The following DENND4C variants were observed in gnomAD, a reference collection of about 807,000 sequenced individuals.
DENND4C encodes the protein DENN domain containing 4C, also known as DENN domain-containing protein 4C.
In DENND4C, 108 loss-of-function variants were observed where a neutral mutation model predicts 203.0. The observed-to-expected ratio is 0.53, with a 90% CI of 0.46 to 0.62. The LOEUF (loss-of-function observed/expected upper bound fraction) is 0.62, where lower values mean the gene tolerates loss of function less well. Among genes scored for constraint, DENND4C ranks in the 20% least tolerant of loss-of-function variants. The pLI is 0.00. For missense variants in DENND4C, 2,481 were observed against 2,301.2 expected, an observed-to-expected ratio of 1.08 and a Z score of -1.60; for synonymous variants, 871 against 792.4, an observed-to-expected ratio of 1.10 and a Z score of -1.67.
At chr9:19,320,399 A>G (rs988483371) in intron 12 of DENND4C, among the ~76,000 whole-genome samples, 1 of 152,076 alleles carries the variant, frequency 6.6e-6, no homozygotes, top group South Asian at 2.1e-4. Flanking sequence ...AGGTTTAGCC[A>G]TGTTGGCCAG....
At chr9:19,286,239 A>T (rs138331325) in intron 2 of DENND4C, among the ~76,000 whole-genome samples, 39 of 152,114 alleles carry the variant, frequency 2.6e-4, no homozygotes, top group African/African-American at 8.7e-4. Context: ...GATTAATTCA[A>T]TTTTCATTAA....
intron 5 of DENND4C, among the ~76,000 whole-genome samples, chr9:19,291,598 G>A (rs771165028): frequency 2.0e-5 from 3 of 151,736 alleles, no homozygotes; most frequent in Non-Finnish European, 2.9e-5. Flanking sequence ...CTGGCTACTC[G>A]GGAGGGTGAG....
intron 27 of DENND4C, 95 bp from the exon 28 acceptor site, chr9:19,357,870 T>C (rs1001813814): frequency 1.2e-5 from 12 of 973,784 alleles, no homozygotes; most frequent in Non-Finnish European, 1.8e-5. Flanking sequence ...ATATATTTAG[T>C]AGACTCAAGG....
intron 1 of DENND4C, among the ~76,000 whole-genome samples, chr9:19,257,773 A>G (rs1209658919): frequency 6.6e-6 from 1 of 152,224 alleles, no homozygotes; most frequent in Non-Finnish European, 1.5e-5. Flanking sequence ...TATGCCAATA[A>G]ATTTGACAAC....
intron 1 of DENND4C, among the ~76,000 whole-genome samples, chr9:19,259,034 T>G (rs1484945792): frequency 6.6e-6 from 1 of 152,190 alleles, no homozygotes; most frequent in Non-Finnish European, 1.5e-5. Context: ...AGGCATACAG[T>G]GTGTGTTCAC....
intron 1 of DENND4C, among the ~76,000 whole-genome samples, chr9:19,255,380 G>A (rs1287825476): frequency 1.4e-5 from 2 of 138,046 alleles, no homozygotes; most frequent in Non-Finnish European, 1.6e-5. Context: ...ATTCCAGCCT[G>A]GGCAACAGAG....
intron 1 of DENND4C, among the ~76,000 whole-genome samples, chr9:19,249,419 AT>A (rs757765940): frequency 3.7e-4 from 56 of 151,178 alleles, no homozygotes; most frequent in Admixed American, 2.0e-3. Flanking sequence ...TGCCCGGCTA[AT>A]TTTTTTTGTA....
intron 12 of DENND4C, 62 bp downstream of exon 12, chr9:19,316,901 T>C: frequency 7.2e-7 from 1 of 1,386,114 alleles, no homozygotes; most frequent in Non-Finnish European, 9.8e-7. Flanking sequence ...TATTTGATGT[T>C]GCTGCCAAGA....
intron 1 of DENND4C, among the ~76,000 whole-genome samples, chr9:19,264,771 G>A (rs1230490937): frequency 1.3e-5 from 2 of 150,082 alleles, no homozygotes; most frequent in Admixed American, 6.6e-5. Flanking sequence ...TTCATCTTTT[G>A]TGTTTTTTCT....
intron 12 of DENND4C, among the ~76,000 whole-genome samples, chr9:19,317,218 G>T (rs556119357): frequency 1.7e-4 from 23 of 139,306 alleles, no homozygotes; most frequent in South Asian, 1.3e-3. Flanking sequence ...GCAGAGTCTT[G>T]CTGTGTTGGC....
intron 2 of DENND4C, among the ~76,000 whole-genome samples, chr9:19,285,605 T>C (rs1029799574): frequency 2.0e-5 from 3 of 150,910 alleles, no homozygotes; most frequent in African/African-American, 7.3e-5. Flanking sequence ...TTAACATGTT[T>C]AGCTGCTTGT....
In DENND4C at chr9:19,373,537, A is replaced by T. The variant is rs1319550294; in HGVS notation, c.*1364A>T. The T allele has an allele frequency of 6.6e-6, 1 of 152,638 alleles. No individual in the cohort carries two copies. The highest frequency in any genetic ancestry group is 2.4e-5 in the African/African-American group (1 of 41,456). The allele number at this position is 152,638 out of a possible 1,614,324, so 9.5% of individuals were successfully genotyped here. ...TGTATGCTTGTGAGTAAAAATGTGC[A>T]TTTGTAAATACTGTGTTTTTAGGTT... On this transcript the variant is annotated 3_prime_UTR_variant, in exon 33 of 33. Transcript: ENST00000434457.
chr9:19,355,323 C>T (rs181034548), intron 26 of DENND4C, among the ~76,000 whole-genome samples: 81 of 152,114 alleles, frequency 5.3e-4, no homozygotes, highest in Non-Finnish European at 1.0e-3. Flanking sequence ...AATTTTTTAC[C>T]TTGCAATTTG....
At chr9:19,328,645 G>GTCTA (rs1474762710) in intron 16 of DENND4C, among the ~76,000 whole-genome samples, 1 of 127,946 alleles carries the variant, frequency 7.8e-6, no homozygotes, top group Non-Finnish European at 1.6e-5. Flanking sequence ...CTGTCTGTCT[G>GTCTA]TCTGTCTGTC....
At position 19,298,041 on chromosome 9, in the gene DENND4C, A is replaced by T. The variant is rs760767209; in HGVS notation, c.1041-15A>T. 6.3e-7 allele frequency: 1 copy of T among 1,592,884 alleles called. No individual in the cohort carries two copies. Among genetic ancestry groups the T allele is most frequent in the Non-Finnish European group, 8.6e-7 (1 of 1,166,650 alleles). On this transcript the variant is annotated splice_polypyrimidine_tract_variant and intron_variant, in intron 6 of 32. Transcript: ENST00000434457. ...AAAAGTAATTATTATATTTATTTCA[A>T]ATTTTTTTTTCTAGGCACATTTCAC...
In DENND4C at chr9:19,331,948, A is replaced by G. The variant is rs1819310004; in HGVS notation, c.2254-30A>G. ...TCCCCTCACCCTAATGAATTTTAGTAAATATCATAATATTTTATTCTCTTT... is the reference window on the plus strand; with the variant it reads ...TCCCCTCACCCTAATGAATTTTAGTGAATATCATAATATTTTATTCTCTTT... On this transcript the variant is annotated intron_variant, in intron 16 of 32. Transcript: ENST00000434457. The G allele has an allele frequency of 1.9e-6, 3 of 1,571,424 alleles. No individual in the cohort carries two copies. In the East Asian group the frequency reaches 7.0e-5, roughly 37 times the overall value.
In DENND4C at chr9:19,324,556, C is replaced by T. The variant is rs748301824; in HGVS notation, c.1953+49C>T. ...TGTTTAGAAAAAAAAGTTTGCCTTA[C>T]CTGTGTAATTATCATTGTTATTGTT... On this transcript the variant is annotated intron_variant, in intron 13 of 32. Transcript: ENST00000434457. 1.4e-5 allele frequency: 21 copies of T among 1,551,166 alleles called. No individual in the cohort carries two copies. In the East Asian group the frequency reaches 4.5e-4, roughly 33 times the overall value.
intron 20 of DENND4C, among the ~76,000 whole-genome samples, chr9:19,340,384 G>A (rs1052913518): frequency 6.6e-6 from 1 of 152,120 alleles, no homozygotes; most frequent in Non-Finnish European, 1.5e-5. Context: ...GGCCCTTTCA[G>A]TGTGATTATG....
intron 1 of DENND4C, among the ~76,000 whole-genome samples, chr9:19,270,968 C>T (rs1031621943): frequency 2.1e-4 from 32 of 151,912 alleles, no homozygotes; most frequent in Non-Finnish European, 2.6e-4. Context: ...AAAATGATGC[C>T]ATTCACAGTA....
Sources: gnomAD v4.1 joint callset for allele counts (sites outside exome capture counted in the v4.1 genomes callset) on GRCh38, gnomAD v4.1.1 for gene constraint, MANE v1.5 for transcripts, NCBI Gene and HGNC (gene_info 2026-07-23, HGNC 2026-07-21) for gene names.